The following ZNF804B variants were observed in gnomAD, a reference collection of about 807,000 sequenced individuals.
ZNF804B encodes the protein zinc finger protein 804B, also known as zinc finger 804B.
A neutral mutation model predicts 101.4 loss-of-function variants in ZNF804B; 80 were observed. That is an observed-to-expected ratio of 0.79 (90% CI 0.66 to 0.95). The LOEUF (loss-of-function observed/expected upper bound fraction) is 0.95. Among genes scored for constraint, ZNF804B ranks in the 40% least tolerant of loss-of-function variants. ZNF804B has a pLI of 0.00. For missense variants in ZNF804B, 1,673 were observed against 1,561.9 expected, an observed-to-expected ratio of 1.07 and a Z score of -1.20; for synonymous variants, 622 against 558.8, an observed-to-expected ratio of 1.11 and a Z score of -1.59.
chr7:88,810,327 A>G lies in ZNF804B; in HGVS notation c.108+50243A>G, dbSNP rs759995378. Among the ~76,000 whole-genome samples, 71 of 152,256 alleles carry G rather than the reference A, an allele frequency of 4.7e-4. 1 individual carries two copies. The highest frequency in any genetic ancestry group is 1.8e-4 in the Non-Finnish European group (12 of 68,024). On this transcript the variant is annotated intron_variant, in intron 1 of 3. Transcript: ENST00000333190. ...AAATAAGAACTAAAAGTACTTTAAAATATATTTAAAGACAATGTAAAAGTG... is the reference window on the plus strand; with the variant it reads ...AAATAAGAACTAAAAGTACTTTAAAGTATATTTAAAGACAATGTAAAAGTG...
chr7:89,259,872 C>T lies in ZNF804B; in HGVS notation c.249+41577C>T, dbSNP rs1417835703. ...GCAGATGCCTGTAATCCCAGCTACT[C>T]GGGAGCCTGAGACAGGAGAATTGCT... is the stretch of plus-strand genomic sequence containing the variant. On this transcript the variant is annotated intron_variant, in intron 2 of 3. Coordinates refer to ENST00000333190, the MANE Select transcript of ZNF804B (RefSeq NM_181646.5). Among the ~76,000 whole-genome samples the T allele has an allele frequency of 3.3e-5, 5 of 151,902 alleles. No homozygotes were observed. The East Asian group carries it at 7.7e-4, about 23-fold the overall frequency.
intron 1 of ZNF804B, among the ~76,000 whole-genome samples, chr7:88,848,095 T>G (rs575533294): frequency 1.4e-4 from 21 of 151,944 alleles, no homozygotes; most frequent in African/African-American, 4.8e-4. Flanking sequence ...ACAAAGGGAG[T>G]GGGGAACAGT....
chr7:88,957,686 A>T (rs768251414), intron 1 of ZNF804B, among the ~76,000 whole-genome samples: 43 of 151,304 alleles, frequency 2.8e-4, no homozygotes, highest in Non-Finnish European at 5.3e-4. Flanking sequence ...TGAGAAAAAA[A>T]GTATTATTTT....
At chr7:89,189,520 G>A (rs1159609287) in intron 1 of ZNF804B, among the ~76,000 whole-genome samples, 1 of 152,106 alleles carries the variant, frequency 6.6e-6, no homozygotes, top group East Asian at 1.9e-4. Context: ...CAATGAGCGG[G>A]CTGATACAAA....
intron 1 of ZNF804B, among the ~76,000 whole-genome samples, chr7:89,032,277 C>T (rs1788849454): frequency 6.7e-6 from 1 of 148,998 alleles, no homozygotes; most frequent in African/African-American, 2.5e-5. Flanking sequence ...GCCCCGAAAA[C>T]TCTTTATAAT....
chr7:88,980,764 G>T (rs1793683056), intron 1 of ZNF804B, among the ~76,000 whole-genome samples: 1 of 152,012 alleles, frequency 6.6e-6, no homozygotes, highest in Non-Finnish European at 1.5e-5. Context: ...GGTCATACCT[G>T]AAGACAGTTC....
intron 1 of ZNF804B, among the ~76,000 whole-genome samples, chr7:88,808,123 G>A (rs1790720137): frequency 6.6e-6 from 1 of 152,096 alleles, no homozygotes; most frequent in Non-Finnish European, 1.5e-5. Flanking sequence ...CAGGCACGGT[G>A]GCTCATGCCT....
At chr7:89,263,829 TA>T (rs1789744923) in intron 2 of ZNF804B, among the ~76,000 whole-genome samples, 1 of 152,166 alleles carries the variant, frequency 6.6e-6, no homozygotes. Flanking sequence ...GATTCAACTT[TA>T]AGATTTTAGA....
At chr7:89,239,950 T>C (rs536886031) in intron 2 of ZNF804B, among the ~76,000 whole-genome samples, 9 of 151,954 alleles carry the variant, frequency 5.9e-5, no homozygotes, top group African/African-American at 1.9e-4. Flanking sequence ...GCAAATACAT[T>C]CTTATGTCAT....
intron 2 of ZNF804B, among the ~76,000 whole-genome samples, chr7:89,274,136 C>CG (rs2115846828): frequency 7.7e-6 from 1 of 129,902 alleles, no homozygotes; most frequent in Admixed American, 7.7e-5. Context: ...TTTTTTTTTT[C>CG]TTTTTATTTT....
Position 89,336,991 on chromosome 7 carries a change from G to T in ZNF804B, c.4009G>T (p.Glu1337Ter). The stretch of plus-strand genomic sequence containing the variant: ...CTCTAGCCAGATGCAACAGCTAAAT[G>T]AAGTGAAAGAGGCCTTAAATGTGTC... Reference protein sequence around the residue: ...SCSSQMQQLNEVKEALNVSTH... With the variant: ...SCSSQMQQLN Residue 1337 changes from glutamate (E) to a stop codon, truncating the protein, a stop_gained, in exon 4 of 4, where the codon GAA becomes TAA. Transcript: ENST00000333190. LOFTEE classifies it high-confidence loss of function. The T allele has an allele frequency of 6.2e-7, 1 of 1,614,034 alleles. No individual in the cohort carries two copies. Among genetic ancestry groups the T allele is most frequent in the South Asian group, 1.1e-5 (1 of 91,082 alleles).
intron 1 of ZNF804B, among the ~76,000 whole-genome samples, chr7:89,188,833 T>C (rs1584041019): frequency 2.0e-5 from 3 of 152,234 alleles, no homozygotes; most frequent in Admixed American, 6.6e-5. Context: ...GAAGAAAAGA[T>C]TGAAGCTAGG....
At chr7:88,827,109 A>C (rs1791061116) in intron 1 of ZNF804B, among the ~76,000 whole-genome samples, 1 of 152,222 alleles carries the variant, frequency 6.6e-6, no homozygotes, top group Non-Finnish European at 1.5e-5. Context: ...CACTGTATTC[A>C]AATAAATTTG....
intron 1 of ZNF804B, among the ~76,000 whole-genome samples, chr7:88,981,457 C>T (rs1372656122): frequency 2.0e-5 from 3 of 152,046 alleles, no homozygotes; most frequent in Non-Finnish European, 2.9e-5. Context: ...GCTACACTGC[C>T]TGGGGTTGAG....
intron 1 of ZNF804B, among the ~76,000 whole-genome samples, chr7:88,772,911 A>G (rs1790090522): frequency 6.6e-6 from 1 of 152,160 alleles, no homozygotes; most frequent in South Asian, 2.1e-4. Context: ...AAGGTCTTGA[A>G]TGGTGAAAGC....
At chr7:88,776,564 T>G (rs1790143971) in intron 1 of ZNF804B, among the ~76,000 whole-genome samples, 2 of 142,776 alleles carry the variant, frequency 1.4e-5, no homozygotes, top group African/African-American at 5.7e-5. Flanking sequence ...TGTTTTGTTT[T>G]TTTTTTTTTT....
intron 1 of ZNF804B, among the ~76,000 whole-genome samples, chr7:89,139,742 G>A (rs2214344): frequency 0.6 from 91,861 of 151,946 alleles, 28,149 homozygotes; most frequent in African/African-American, 0.71. Context: ...TTCTCTTGCT[G>A]TGTCCACCAC....
At chr7:88,838,521 T>G (rs886159014) in intron 1 of ZNF804B, among the ~76,000 whole-genome samples, 3 of 152,110 alleles carry the variant, frequency 2.0e-5, no homozygotes, top group East Asian at 1.9e-4. Flanking sequence ...TTTCTATAAT[T>G]AAAAAGTGTT....
intron 2 of ZNF804B, among the ~76,000 whole-genome samples, chr7:89,234,954 C>A (rs1033866023): frequency 6.6e-6 from 1 of 152,162 alleles, no homozygotes; most frequent in African/African-American, 2.4e-5. Context: ...CCCTAATAAA[C>A]CCTCTCTCTT....
Sources: gnomAD v4.1 joint callset for allele counts (sites outside exome capture counted in the v4.1 genomes callset) on GRCh38, gnomAD v4.1.1 for gene constraint, MANE v1.5 for transcripts, NCBI Gene and HGNC (gene_info 2026-07-23, HGNC 2026-07-21) for gene names.